Variants in PRELID2 observed in about 807,000 individuals in gnomAD.
PRELID2 encodes the protein PRELI domain-containing protein 2.
PRELID2 carries 25 observed loss-of-function variants against 28.4 expected under a neutral mutation model. That is an observed-to-expected ratio of 0.88 (90% CI 0.64 to 1.23). PRELID2 has a LOEUF of 1.23. PRELID2 is among the 50% of genes most tolerant of loss of function. The pLI, the probability that PRELID2 is intolerant of heterozygous loss-of-function variation, is 0.00. For synonymous variants in PRELID2, 76 were observed against 71.6 expected, an observed-to-expected ratio of 1.06 and a Z score of -0.31; for missense variants, 201 against 214.4, an observed-to-expected ratio of 0.94 and a Z score of 0.39.
intron 1 of PRELID2, among the ~76,000 whole-genome samples, chr5:145,824,664 T>A (rs888804493): frequency 6.6e-6 from 1 of 152,072 alleles, no homozygotes; most frequent in Admixed American, 6.5e-5. Flanking sequence ...CAATATTTTC[T>A]GGATAAATAA....
intron 3 of PRELID2, chr5:145,819,444 T>G (rs758665676): frequency 6.7e-7 from 1 of 1,486,718 alleles, no homozygotes; most frequent in South Asian, 1.2e-5. Flanking sequence ...TTTGCTATCA[T>G]GAAGATTTCA....
chr5:145,765,379 G>A (rs918202953), intron 5 of PRELID2, among the ~76,000 whole-genome samples: 8 of 152,130 alleles, frequency 5.3e-5, no homozygotes, highest in African/African-American at 1.9e-4. Context: ...GGGGTTTTAT[G>A]TGCATTACCT....
At position 145,651,194 on chromosome 5, in the gene PRELID2, G is replaced by A. The variant is rs180971819; in HGVS notation, n.70+113737C>T. Among the ~76,000 whole-genome samples, 11 of 152,304 alleles carry A rather than the reference G, an allele frequency of 7.2e-5. No homozygotes were observed. The East Asian group carries it at 1.9e-3, about 27-fold the overall frequency. On this transcript the variant is annotated intron_variant and non_coding_transcript_variant, in intron 1 of 2. Coordinates refer to the PRELID2 transcript ENST00000510259. ...CAGTCTGAGATCGAACTGCAAGACG[G>A]CAGTGAGGCTAGGGGAGAGGTGCCT... is the stretch of plus-strand genomic sequence containing the variant.
At chr5:145,342,054 A>G in the PRELID2 span, among the ~76,000 whole-genome samples, 1 of 152,244 alleles carries the variant, frequency 6.6e-6, no homozygotes, top group African/African-American at 2.4e-5. Flanking sequence ...TCTGATTAAT[A>G]GCACATTTCT....
At chr5:145,666,524 G>A (rs1754598401) in intron 1 of PRELID2, among the ~76,000 whole-genome samples, 1 of 151,996 alleles carries the variant, frequency 6.6e-6, no homozygotes, top group African/African-American at 2.4e-5. Flanking sequence ...ACAAAATGGT[G>A]AGTTTTGAGT....
intron 5 of PRELID2, 63 bp from the exon 6 acceptor site, chr5:145,765,063 T>TCA: frequency 8.7e-7 from 1 of 1,145,744 alleles, no homozygotes; most frequent in East Asian, 2.4e-5. Context: ...TTTACATTTA[T>TCA]CACAACCTTT....
intron 4 of PRELID2, among the ~76,000 whole-genome samples, chr5:145,809,810 A>G (rs1753808542): frequency 1.3e-5 from 2 of 152,384 alleles, no homozygotes; most frequent in African/African-American, 2.4e-5. Context: ...ATAAAAACAC[A>G]TATGCTGGAA....
the PRELID2 span, among the ~76,000 whole-genome samples, chr5:145,317,654 C>T: frequency 1.3e-5 from 2 of 152,230 alleles, no homozygotes; most frequent in Non-Finnish European, 2.9e-5. Flanking sequence ...CTCTCTGTGT[C>T]ATGAGTATCT....
At chr5:145,503,523 C>T (rs940893677) in intron 1 of PRELID2, among the ~76,000 whole-genome samples, 18 of 145,286 alleles carry the variant, frequency 1.2e-4, no homozygotes, top group African/African-American at 4.0e-4. Flanking sequence ...CTCCTCCAAA[C>T]TGCCCTATGA....
downstream of PRELID2, among the ~76,000 whole-genome samples, chr5:145,754,883 A>G (rs907184722): frequency 2.6e-5 from 4 of 152,212 alleles, no homozygotes; most frequent in Admixed American, 6.5e-5. Context: ...CAATTAGCAG[A>G]AGCAATAACC....
the PRELID2 span, among the ~76,000 whole-genome samples, chr5:145,310,906 A>C: frequency 1.3e-5 from 2 of 151,906 alleles, no homozygotes; most frequent in Non-Finnish European, 2.9e-5. Flanking sequence ...CTTCCCTTGA[A>C]TATTTTTCTG....
the PRELID2 span, among the ~76,000 whole-genome samples, chr5:145,378,884 T>C: frequency 6.6e-6 from 1 of 152,206 alleles, no homozygotes; most frequent in Non-Finnish European, 1.5e-5. Context: ...GTTGTCAGGG[T>C]TCCTTTGCTG....
chr5:145,358,970 TA>T, the PRELID2 span, among the ~76,000 whole-genome samples: 1 of 152,176 alleles, frequency 6.6e-6, no homozygotes, highest in African/African-American at 2.4e-5. Flanking sequence ...AAGCATAATT[TA>T]TAATGAGGAC....
chr5:145,476,507 T>C (rs1273921269), intron 1 of PRELID2, among the ~76,000 whole-genome samples: 2 of 152,102 alleles, frequency 1.3e-5, no homozygotes, highest in East Asian at 1.9e-4. Context: ...TAGCTAGGTG[T>C]GGTGGCATGC....
chr5:145,468,171 G>A (rs980255217), downstream of PRELID2, among the ~76,000 whole-genome samples: 1 of 152,052 alleles, frequency 6.6e-6, no homozygotes, highest in Non-Finnish European at 1.5e-5. Context: ...GTGGTGTTTG[G>A]TTTTTTGTCC....
At chr5:145,412,837 C>A in the PRELID2 span, among the ~76,000 whole-genome samples, 1 of 152,168 alleles carries the variant, frequency 6.6e-6, no homozygotes, top group Admixed American at 6.5e-5. Context: ...AGGAAACTTA[C>A]AATCATGGCG....
At chr5:145,478,297 C>T (rs981033424) in intron 1 of PRELID2, among the ~76,000 whole-genome samples, 2 of 152,086 alleles carry the variant, frequency 1.3e-5, no homozygotes, top group African/African-American at 2.4e-5. Flanking sequence ...CCTGTAATCC[C>T]AGCACTTTGG....
At chr5:145,312,344 C>A in the PRELID2 span, among the ~76,000 whole-genome samples, 1 of 152,098 alleles carries the variant, frequency 6.6e-6, no homozygotes, top group Non-Finnish European at 1.5e-5. Context: ...GAGTGAAGCC[C>A]TGTCTCAAAA....
chr5:145,416,949 C>T, the PRELID2 span, among the ~76,000 whole-genome samples: 1 of 151,646 alleles, frequency 6.6e-6, no homozygotes, highest in Non-Finnish European at 1.5e-5. Context: ...TTAGTTACAT[C>T]CTAGATAAAA....
Sources: gnomAD v4.1 joint callset for allele counts (sites outside exome capture counted in the v4.1 genomes callset) on GRCh38, gnomAD v4.1.1 for gene constraint, MANE v1.5 for transcripts, NCBI Gene and HGNC (gene_info 2026-07-23, HGNC 2026-07-21) for gene names.